Variants in WDR7 observed in about 807,000 individuals in gnomAD.
WDR7 encodes WD repeat domain 7.
A neutral mutation model predicts 169.4 loss-of-function variants in WDR7; 46 were observed. That is an observed-to-expected ratio of 0.27 (90% confidence interval 0.21 to 0.35). The LOEUF is 0.35. WDR7 is among the 10% of genes least tolerant of loss of function. The probability of loss-of-function intolerance (pLI) is 1.00; values close to 1 mark genes in which losing one functional copy is unlikely to be tolerated. For synonymous variants in WDR7, 612 were observed against 666.8 expected (o/e 0.92, Z 1.27); for missense variants, 1,534 against 1,859.3 (o/e 0.83, Z 3.22).
At position 57,016,781 on chromosome 18, in the gene WDR7, G is replaced by A. The variant is rs185075492; in HGVS notation, c.4165-3964G>A. 1.3e-5 allele frequency among the ~76,000 whole-genome samples: 2 copies of A among 152,098 alleles called. 1 individual carries two copies. Among genetic ancestry groups the A allele is most frequent in the Non-Finnish European group, 2.9e-5 (2 of 67,904 alleles). ...TCTTTAATGAGAAAAAGGGGTGGGG[G>A]TGTTTAACAGTTCAACACTCTTATC... On this transcript the variant is annotated intron_variant, in intron 26 of 27. Transcript: ENST00000254442.
At chr18:56,878,956 C>T (rs952381889) in intron 20 of WDR7, among the ~76,000 whole-genome samples, 30 of 152,152 alleles carry the variant, frequency 2.0e-4, no homozygotes, top group Admixed American at 1.7e-3. Context: ...CAAAAGTAAT[C>T]GCTATTTTTG....
At chr18:56,794,302 C>CTATTTTTTTTTTTTTTTTTTT (rs2044543183) in intron 19 of WDR7, among the ~76,000 whole-genome samples, 1 of 29,466 alleles carries the variant, frequency 3.4e-5, no homozygotes, top group African/African-American at 7.8e-5. Flanking sequence ...AAGGTAAAGT[C>CTATTTTTTTTTTTTTTTTTTT]TATTTTTTTT....
intron 18 of WDR7, among the ~76,000 whole-genome samples, chr18:56,780,823 A>G (rs776694132): frequency 2.0e-5 from 3 of 152,250 alleles, no homozygotes; most frequent in Non-Finnish European, 2.9e-5. Flanking sequence ...AAATTGGTAC[A>G]GCACTTAATA....
chr18:56,999,878 G>C (rs759368933), intron 26 of WDR7, among the ~76,000 whole-genome samples: 66 of 152,136 alleles, frequency 4.3e-4, no homozygotes, highest in Non-Finnish European at 7.1e-4. Context: ...TGTCAAGATA[G>C]TTCTCTGAAC....
chr18:56,799,423 T>TTTAC (rs149820555), intron 19 of WDR7, among the ~76,000 whole-genome samples: 37,866 of 151,822 alleles, frequency 0.25, 5,050 homozygotes, highest in African/African-American at 0.32. Flanking sequence ...ATATTTTGGT[T>TTTAC]TTTTTTATTC....
chr18:56,787,390 A>C (rs1246641562), intron 19 of WDR7, among the ~76,000 whole-genome samples: 1 of 152,238 alleles, frequency 6.6e-6, no homozygotes, highest in African/African-American at 2.4e-5. Flanking sequence ...TATATAAATC[A>C]AAATCTCTTC....
At chr18:56,740,055 T>A (rs1456660161) in intron 14 of WDR7, among the ~76,000 whole-genome samples, 1 of 151,972 alleles carries the variant, frequency 6.6e-6, no homozygotes, top group African/African-American at 2.4e-5. Context: ...CCTTTGCCCG[T>A]TTTTAAAAAA....
chr18:56,665,995 T>C (rs2025012680), intron 1 of WDR7, among the ~76,000 whole-genome samples: 1 of 151,992 alleles, frequency 6.6e-6, no homozygotes, highest in Admixed American at 6.6e-5. Flanking sequence ...TATTGATCCG[T>C]CACTGGATGT....
intron 1 of WDR7, among the ~76,000 whole-genome samples, chr18:56,662,354 T>TTATA (rs1252047492): frequency 3.3e-5 from 5 of 152,196 alleles, no homozygotes; most frequent in Non-Finnish European, 7.3e-5. Context: ...TAATCTTAAC[T>TTATA]GTTTATAGCT....
rs1253411502 is a variant in WDR7 at position 56,923,942 on chromosome 18, C to T, written c.3547C>T (p.Leu1183=). 1.3e-6 allele frequency: 2 copies of T among 1,563,862 alleles called. No homozygotes were observed. The highest frequency in any genetic ancestry group is 1.7e-6 in the Non-Finnish European group (2 of 1,160,366). The change falls in exon 22 of 28, where the codon CTG becomes TTG. Residue 1183 remains leucine, a synonymous_variant. Coordinates refer to ENST00000254442, the MANE Select transcript of WDR7 (RefSeq NM_015285.3). ...TTCAGGCAAGGCACTGACGTTTCTT[C>T]TGCTACAGCCTCCAAGCCCCAAACT... ...RHTCKALTFL[L]LQPPSPKLPP...
chr18:56,697,783 A>G (rs2025735301), intron 12 of WDR7, among the ~76,000 whole-genome samples: 1 of 152,212 alleles, frequency 6.6e-6, no homozygotes, highest in Admixed American at 6.5e-5. Flanking sequence ...ACTAGTTTAG[A>G]ACAACCATTT....
chr18:56,995,719 C>T (rs1390486378), intron 26 of WDR7, among the ~76,000 whole-genome samples: 1 of 152,128 alleles, frequency 6.6e-6, no homozygotes, highest in African/African-American at 2.4e-5. Context: ...TACTAGAACC[C>T]ACAGGGATCC....
intron 21 of WDR7, among the ~76,000 whole-genome samples, chr18:56,894,030 T>C (rs2046298853): frequency 6.6e-6 from 1 of 152,096 alleles, no homozygotes; most frequent in South Asian, 2.1e-4. Context: ...TTTTCCAGTT[T>C]CTTAGGTTCA....
At chr18:56,969,335 G>C (rs1020125562) in intron 26 of WDR7, among the ~76,000 whole-genome samples, 1 of 152,076 alleles carries the variant, frequency 6.6e-6, no homozygotes, top group African/African-American at 2.4e-5. Context: ...TTAGGCTCTT[G>C]GCCTTTCCTC....
At chr18:57,010,531 GCTGTCATTTTATTAGCCA>G (rs72079579) in intron 26 of WDR7, among the ~76,000 whole-genome samples, 13,829 of 152,096 alleles carry the variant, frequency 0.091, 1,137 homozygotes, top group East Asian at 0.43. Flanking sequence ...CAAACATACT[GCTGTCATTTTATTAGCCA>G]AAAATTGGTG....
chr18:56,701,984 G>C (rs1266586086), intron 12 of WDR7, among the ~76,000 whole-genome samples: 3 of 152,204 alleles, frequency 2.0e-5, no homozygotes, highest in African/African-American at 4.8e-5. Context: ...TGGTTAGAGA[G>C]AGAATGATTT....
At chr18:56,845,137 A>AT (rs1274365055) in intron 20 of WDR7, among the ~76,000 whole-genome samples, 1 of 152,090 alleles carries the variant, frequency 6.6e-6, no homozygotes, top group Non-Finnish European at 1.5e-5. Context: ...AGATACAATG[A>AT]TTTGGTTGGA....
At chr18:56,690,328 G>T (rs577139680) in intron 7 of WDR7, among the ~76,000 whole-genome samples, 1 of 152,286 alleles carries the variant, frequency 6.6e-6, no homozygotes, top group African/African-American at 2.4e-5. Flanking sequence ...CCTTGCAAAT[G>T]TAAAGCCCTA....
At chr18:56,962,664 T>G in intron 26 of WDR7, 135 bp downstream of exon 26, 1 of 770,590 alleles carries the variant, frequency 1.3e-6, no homozygotes, top group Non-Finnish European at 2.1e-6. Flanking sequence ...AATAGTTTAA[T>G]GAAGGACGCA....
Sources: gnomAD v4.1 joint callset for allele counts (sites outside exome capture counted in the v4.1 genomes callset) on GRCh38, gnomAD v4.1.1 for gene constraint, MANE v1.5 for transcripts, NCBI Gene and HGNC (gene_info 2026-07-23, HGNC 2026-07-21) for gene names.